Variants in BCKDHB observed in about 807,000 individuals in gnomAD.
BCKDHB encodes branched chain keto acid dehydrogenase E1 subunit beta.
BCKDHB carries 41 observed loss-of-function variants against 48.5 expected under a neutral mutation model. The observed-to-expected ratio is 0.85, with a 90% CI of 0.66 to 1.10. The LOEUF is 1.10. Ranked by LOEUF, BCKDHB falls within the 50% of genes least tolerant of loss-of-function variation. BCKDHB has a pLI of 0.00. For synonymous variants in BCKDHB, 201 were observed against 174.8 expected, an observed-to-expected ratio of 1.15 and a Z score of -1.18; for missense variants, 496 against 494.2, an observed-to-expected ratio of 1.00 and a Z score of -0.03.
At position 80,106,706 on chromosome 6, in the gene BCKDHB, G is replaced by A. The variant is rs1348748094; in HGVS notation, c.13G>A (p.Ala5Thr). MAVV[A>T]AAAGWLLRLR... is the part of the protein sequence containing the mutation. ...GTGGTGAGCGGGGATGGCGGTTGTA[G>A]CGGCGGCTGCCGGCTGGCTACTCAG... is the stretch of plus-strand genomic sequence containing the variant. The change falls in exon 1 of 10, where the codon GCG (alanine) becomes ACG (threonine). Residue 5 changes from alanine (A) to threonine (T), a missense_variant. By Grantham distance (58) the Ala-to-Thr change is moderately conservative. Transcript: ENST00000320393. The A allele has an allele frequency of 1.3e-6, 2 of 1,552,112 alleles. No homozygotes were observed. Among genetic ancestry groups the A allele is most frequent in the South Asian group, 2.4e-5 (2 of 84,682 alleles).
chr6:80,335,324 A>C (rs1367877310), intron 9 of BCKDHB, among the ~76,000 whole-genome samples: 2 of 151,998 alleles, frequency 1.3e-5, no homozygotes, highest in African/African-American at 2.4e-5. Flanking sequence ...GTGCCAAGCA[A>C]ATCAGAAATC....
rs141368219 is a variant in BCKDHB at position 80,116,600 on chromosome 6, T to G, written c.196+9711T>G. Among the ~76,000 whole-genome samples, 531 of 152,356 alleles carry G rather than the reference T, an allele frequency of 3.5e-3. 3 individuals carry two copies. Among genetic ancestry groups the G allele is most frequent in the African/African-American group, 0.012 (497 of 41,588 alleles). ...CTGATGACCTGCATATTCATGATTC[T>G]TTACTTAGTACAATTTCAATTAAAC... On this transcript the variant is annotated intron_variant, in intron 1 of 9. Coordinates refer to ENST00000320393, the MANE Select transcript of BCKDHB (RefSeq NM_183050.4).
rs1047381357 is a variant in BCKDHB, at chr6:80,177,276, T to TA, written c.742+5894dup. On this transcript the variant is annotated intron_variant, in intron 6 of 9. Coordinates refer to ENST00000320393, the MANE Select transcript of BCKDHB (RefSeq NM_183050.4). ...AAAAAGCAAAACATGGGTTTCATAT[T>TA]AAAAAAAAGGAGACACTTGAGAATA... Among the ~76,000 whole-genome samples the TA allele has an allele frequency of 5.0e-5, 6 of 119,076 alleles. No individual in the cohort carries two copies. The South Asian group carries it at 8.1e-4, about 16-fold the overall frequency. 78.1% of individuals were successfully genotyped at this position (119,076 alleles called of 152,430 possible).
the BCKDHB span, among the ~76,000 whole-genome samples, chr6:80,431,480 C>T: frequency 6.6e-6 from 1 of 152,184 alleles, no homozygotes; most frequent in African/African-American, 2.4e-5. Flanking sequence ...TCTCTAAGAA[C>T]TTGCTTTATG....
intron 3 of BCKDHB, among the ~76,000 whole-genome samples, chr6:80,138,378 G>A (rs1771002882): frequency 1.3e-5 from 2 of 151,830 alleles, no homozygotes; most frequent in South Asian, 2.1e-4. Context: ...GTGCAATGCT[G>A]GTACACTGCA....
chr6:80,115,284 A>C (rs139721320), intron 1 of BCKDHB, among the ~76,000 whole-genome samples: 109 of 152,208 alleles, frequency 7.2e-4, no homozygotes, highest in African/African-American at 2.5e-3. Flanking sequence ...AGTAGTTGGG[A>C]CTATCGTCAC....
intron 9 of BCKDHB, among the ~76,000 whole-genome samples, chr6:80,290,193 G>A (rs1489413893): frequency 2.0e-5 from 3 of 149,556 alleles, no homozygotes; most frequent in Non-Finnish European, 3.0e-5. Context: ...AAGTAGCCAA[G>A]ATCTGTGGCC....
chr6:80,109,052 G>T (rs746518970), intron 1 of BCKDHB, among the ~76,000 whole-genome samples: 2 of 152,144 alleles, frequency 1.3e-5, no homozygotes. Context: ...ACCTTCTTGA[G>T]AATTTAGAAG....
intron 3 of BCKDHB, among the ~76,000 whole-genome samples, chr6:80,160,868 G>C (rs902724914): frequency 1.3e-5 from 2 of 152,160 alleles, no homozygotes; most frequent in Admixed American, 6.5e-5. Flanking sequence ...TAAGAAAATG[G>C]CATGTTATAG....
the BCKDHB span, among the ~76,000 whole-genome samples, chr6:80,401,238 A>G: frequency 2.6e-5 from 4 of 151,962 alleles, no homozygotes; most frequent in South Asian, 4.1e-4. Flanking sequence ...AAAATTAAAA[A>G]TAAATAACTT....
the BCKDHB span, among the ~76,000 whole-genome samples, chr6:80,367,513 ACT>A: frequency 6.6e-6 from 1 of 152,044 alleles, no homozygotes; most frequent in Non-Finnish European, 1.5e-5. Flanking sequence ...TTCTATCAAC[ACT>A]CTCTATGGTC....
At chr6:80,222,144 G>T (rs1280253900) in intron 8 of BCKDHB, among the ~76,000 whole-genome samples, 1 of 152,052 alleles carries the variant, frequency 6.6e-6, no homozygotes, top group African/African-American at 2.4e-5. Context: ...GGAGTCCCCA[G>T]TGTCTATTAT....
At chr6:80,166,836 A>T (rs1479176701) in intron 3 of BCKDHB, among the ~76,000 whole-genome samples, 2 of 152,048 alleles carry the variant, frequency 1.3e-5, no homozygotes, top group African/African-American at 4.8e-5. Context: ...ATTGAAAAGG[A>T]TTTGTATTCT....
intron 8 of BCKDHB, among the ~76,000 whole-genome samples, chr6:80,233,330 C>G (rs1276040856): frequency 6.6e-6 from 1 of 152,100 alleles, no homozygotes; most frequent in Non-Finnish European, 1.5e-5. Flanking sequence ...AGGGCAGTAG[C>G]CTTTCTCAAA....
chr6:80,464,250 C>T, the BCKDHB span, among the ~76,000 whole-genome samples: 1 of 152,088 alleles, frequency 6.6e-6, no homozygotes, highest in Non-Finnish European at 1.5e-5. Flanking sequence ...GCCTCGGCCT[C>T]CTGAGTACTG....
intron 6 of BCKDHB, among the ~76,000 whole-genome samples, chr6:80,190,907 G>A (rs188774032): frequency 6.6e-6 from 1 of 152,246 alleles, no homozygotes; most frequent in Admixed American, 6.5e-5. Context: ...AGGAGACTTC[G>A]CTGTGTTGCA....
At chr6:80,339,419 C>G (rs1275498435) in intron 9 of BCKDHB, among the ~76,000 whole-genome samples, 1 of 152,068 alleles carries the variant, frequency 6.6e-6, no homozygotes, top group African/African-American at 2.4e-5. Context: ...TGAAACAAGA[C>G]AAAAAGGTAA....
chr6:80,165,917 G>C (rs1772545613), intron 3 of BCKDHB, among the ~76,000 whole-genome samples: 1 of 152,154 alleles, frequency 6.6e-6, no homozygotes, highest in African/African-American at 2.4e-5. Flanking sequence ...TCCATGCTGT[G>C]CCCTTCTTTT....
chr6:80,256,613 T>A (rs1343607731), intron 8 of BCKDHB, among the ~76,000 whole-genome samples: 2 of 152,218 alleles, frequency 1.3e-5, no homozygotes, highest in Non-Finnish European at 2.9e-5. Context: ...ATCATCCATT[T>A]TTATAAAGCT....
Sources: allele counts gnomAD v4.1 joint callset (sites outside exome capture counted in the v4.1 genomes callset), GRCh38; gene constraint gnomAD v4.1.1; transcripts MANE v1.5; gene names NCBI Gene and HGNC (gene_info 2026-07-23, HGNC 2026-07-21).